The following VPS13B variants were observed in gnomAD, a reference collection of about 807,000 sequenced individuals.
VPS13B encodes intermembrane lipid transfer protein VPS13B.
A neutral mutation model predicts 426.4 loss-of-function variants in VPS13B; 285 were observed. That is an observed-to-expected ratio of 0.67 (90% CI 0.61 to 0.74). The LOEUF is 0.74. Ranked by LOEUF, VPS13B falls within the 30% of genes least tolerant of loss-of-function variation. The pLI is 0.00. For missense variants in VPS13B, 4,537 were observed against 4,782.6 expected (o/e 0.95, Z 1.51); for synonymous variants, 1,676 against 1,676.4 (o/e 1.00, Z 0.01).
chr8:99,414,670 C>T (rs1210991000), intron 21 of VPS13B, among the ~76,000 whole-genome samples: 1 of 152,112 alleles, frequency 6.6e-6, no homozygotes, highest in African/African-American at 2.4e-5. Flanking sequence ...TTCTCCTTCG[C>T]TTATGAAGTT....
intron 21 of VPS13B, among the ~76,000 whole-genome samples, chr8:99,417,755 C>A (rs906862323): frequency 6.6e-6 from 1 of 151,820 alleles, no homozygotes; most frequent in Non-Finnish European, 1.5e-5. Context: ...CTCTCTACTT[C>A]TTTTCTCCTC....
chr8:99,448,186 A>T (rs546538892), intron 23 of VPS13B, among the ~76,000 whole-genome samples: 22 of 150,898 alleles, frequency 1.5e-4, no homozygotes, highest in South Asian at 4.2e-4. Flanking sequence ...ATGGCAACTT[A>T]ATTTATTTTG....
chr8:99,176,797 G>T (rs1383731327), intron 16 of VPS13B, among the ~76,000 whole-genome samples: 1 of 152,128 alleles, frequency 6.6e-6, no homozygotes, highest in Non-Finnish European at 1.5e-5. Flanking sequence ...TAAGATTTGA[G>T]AAAAAGTGAA....
chr8:99,540,030 T>C (rs1823484305), intron 30 of VPS13B, among the ~76,000 whole-genome samples: 1 of 1,466 alleles, frequency 6.8e-4, no homozygotes, highest in African/African-American at 1.9e-3. Flanking sequence ...TATATATATA[T>C]ATATATATAT....
intron 19 of VPS13B, among the ~76,000 whole-genome samples, chr8:99,309,947 G>C (rs1394234782): frequency 6.6e-6 from 1 of 152,168 alleles, no homozygotes; most frequent in East Asian, 1.9e-4. Flanking sequence ...TGAAGAAATT[G>C]TGAGTGGGAG....
At chr8:99,718,536 T>C (rs1250986879) in intron 37 of VPS13B, among the ~76,000 whole-genome samples, 1 of 152,222 alleles carries the variant, frequency 6.6e-6, no homozygotes, top group Non-Finnish European at 1.5e-5. Flanking sequence ...GATTTTAATT[T>C]AATCTTCATG....
chr8:99,843,489 C>T (rs1344447438), intron 54 of VPS13B, among the ~76,000 whole-genome samples: 1 of 152,224 alleles, frequency 6.6e-6, no homozygotes, highest in Non-Finnish European at 1.5e-5. Context: ...GATGCTCAGT[C>T]TGTATGTGAT....
chr8:99,349,019 G>A, intron 19 of VPS13B, among the ~76,000 whole-genome samples: 1 of 152,146 alleles, frequency 6.6e-6, no homozygotes, highest in East Asian at 1.9e-4. Flanking sequence ...TATTTTTAAA[G>A]GATATGAGAT....
At chr8:99,491,723 A>C (rs2133582135) in intron 25 of VPS13B, among the ~76,000 whole-genome samples, 1 of 152,290 alleles carries the variant, frequency 6.6e-6, no homozygotes, top group East Asian at 1.9e-4. Flanking sequence ...AGGTCATTTA[A>C]GGTCTTGTCT....
intron 58 of VPS13B, among the ~76,000 whole-genome samples, chr8:99,864,309 G>A (rs1816986140): frequency 6.6e-6 from 1 of 152,200 alleles, no homozygotes; most frequent in African/African-American, 2.4e-5. Context: ...AGCACTTTGG[G>A]AAGCCAAAGC....
At chr8:99,537,989 A>T (rs1823350073) in intron 30 of VPS13B, among the ~76,000 whole-genome samples, 1 of 152,190 alleles carries the variant, frequency 6.6e-6, no homozygotes, top group Admixed American at 6.5e-5. Flanking sequence ...TGTGATTCTC[A>T]TGAAAGAGAT....
chr8:99,700,289 G>A (rs539214032), intron 36 of VPS13B, among the ~76,000 whole-genome samples: 31 of 152,186 alleles, frequency 2.0e-4, no homozygotes, highest in Non-Finnish European at 4.0e-4. Flanking sequence ...TGGACTAGCA[G>A]CATCAGCATC....
At chr8:99,177,990 G>A (rs891167514) in intron 16 of VPS13B, among the ~76,000 whole-genome samples, 16 of 151,918 alleles carry the variant, frequency 1.1e-4, no homozygotes, top group African/African-American at 3.9e-4. Context: ...AAAGTCAGTA[G>A]TATTCTTTGA....
intron 21 of VPS13B, among the ~76,000 whole-genome samples, chr8:99,427,551 A>G (rs1257371418): frequency 3.9e-5 from 6 of 152,090 alleles, no homozygotes; most frequent in African/African-American, 1.4e-4. Flanking sequence ...TTCAAAGAGA[A>G]TAAAATACCT....
intron 2 of VPS13B, among the ~76,000 whole-genome samples, chr8:99,016,340 CT>C (rs1376600060): frequency 6.6e-6 from 1 of 152,178 alleles, no homozygotes; most frequent in Non-Finnish European, 1.5e-5. Flanking sequence ...TTACCAACAA[CT>C]TATAAGCATT....
intron 30 of VPS13B, among the ~76,000 whole-genome samples, chr8:99,529,839 T>C (rs916993151): frequency 5.3e-5 from 8 of 152,230 alleles, no homozygotes. Context: ...GTTTTTAACA[T>C]GACAAAATCC....
chr8:99,232,498 C>T (rs531901831), intron 17 of VPS13B, among the ~76,000 whole-genome samples: 2 of 152,098 alleles, frequency 1.3e-5, no homozygotes, highest in South Asian at 4.2e-4. Context: ...TCTAGAAAAG[C>T]CTGCTTTCTC....
intron 3 of VPS13B, among the ~76,000 whole-genome samples, chr8:99,062,554 C>T (rs527597675): frequency 7.2e-5 from 11 of 152,274 alleles, no homozygotes; most frequent in South Asian, 2.1e-4. Flanking sequence ...CTGCAACCTC[C>T]GCCTCCCAGG....
chr8:99,426,796 G>T (rs1588364856), intron 21 of VPS13B, among the ~76,000 whole-genome samples: 2 of 93,948 alleles, frequency 2.1e-5, no homozygotes, highest in South Asian at 5.3e-4. Flanking sequence ...TGAGTTCATT[G>T]TAGATTCTGG....
Sources: allele counts gnomAD v4.1 joint callset (sites outside exome capture counted in the v4.1 genomes callset), GRCh38; gene constraint gnomAD v4.1.1; transcripts MANE v1.5; gene names NCBI Gene and HGNC (gene_info 2026-07-23, HGNC 2026-07-21).